The following PIMREG variants were observed in gnomAD, a reference collection of about 807,000 sequenced individuals.
PIMREG encodes protein PIMREG.
In PIMREG, 19 loss-of-function variants were observed where a neutral mutation model predicts 24.3. The ratio of observed to expected loss-of-function variants is 0.78; its 90% confidence interval spans 0.54 to 1.15. The LOEUF (loss-of-function observed/expected upper bound fraction) is 1.15. Among genes scored for constraint, PIMREG ranks in the 50% most tolerant of loss-of-function variants. The pLI is 0.00. For synonymous variants in PIMREG, 112 were observed against 124.1 expected (o/e 0.90, Z 0.65); for missense variants, 283 against 306.8 (o/e 0.92, Z 0.58).
rs181115632 is a variant in PIMREG at position 6,449,935 on chromosome 17, C to T, written c.687-93C>T. ...GTGTTGAGGGGCCATATTCCTACCA[C>T]ATTTCCGGGTCTGATCTTGTGTAGC... On this transcript the variant is annotated intron_variant, in intron 4 of 5. Transcript: ENST00000572447. The T allele has an allele frequency of 1.2e-3, 1,832 of 1,482,394 alleles. 8 individuals carry two copies. The highest frequency in any genetic ancestry group is 1.4e-3 in the South Asian group (126 of 88,174). The allele number at this position is 1,482,394 out of a possible 1,614,324, so 91.8% of individuals were successfully genotyped here.
chr17:6,450,167 C>A, intron 5 of PIMREG, 95 bp downstream of exon 5: 1 of 1,356,972 alleles, frequency 7.4e-7, no homozygotes, highest in Non-Finnish European at 1.1e-6. Flanking sequence ...CTGATGGGCA[C>A]AGCAGAGTAG....
chr17:6,449,337 G>T lies in PIMREG; in HGVS notation c.616G>T (p.Val206Leu). 1 of 1,613,076 alleles carries T rather than the reference G, an allele frequency of 6.2e-7. No individual in the cohort carries two copies. Among genetic ancestry groups the T allele is most frequent in the Middle Eastern group, 1.7e-4 (1 of 6,056 alleles). The change falls in exon 4 of 6, where the codon GTG becomes TTG. Residue 206 changes from valine (V) to leucine (L), a missense_variant. Transcript: ENST00000572447. ...PSESDSDLEPVGAGIQHLQKL... is the reference protein window; with the variant it reads ...PSESDSDLEPLGAGIQHLQKL... ...CGAGTCTGACAGTGACCTAGAGCCT[G>T]TGGGGGCGGGAATTCAGCATCTCCA...
At chr17:6,446,963 C>T (rs1597349667) in intron 2 of PIMREG, among the ~76,000 whole-genome samples, 1 of 152,190 alleles carries the variant, frequency 6.6e-6, no homozygotes, top group East Asian at 1.9e-4. Context: ...GAGCTGGGTC[C>T]CAGCCGTGGA....
Position 6,445,376 on chromosome 17 carries a change from C to T in PIMREG, c.266C>T (p.Ala89Val). ...GGCCTCCAGGCTGCAGCTCGCTCAG[C>T]TAAGAGTGCTTTGGGTGCCGTGTCC... ...QQGLQAAARS[A>V]KSALGAVSQR... Residue 89 changes from alanine to valine, a missense_variant, in exon 2 of 6, where the codon GCT (alanine) becomes GTT (valine). Physicochemically the swap from Ala to Val is moderately conservative, Grantham distance 64. Coordinates refer to ENST00000572447, the MANE Select transcript of PIMREG (RefSeq NM_019013.3). The T allele has an allele frequency of 6.2e-7, 1 of 1,613,052 alleles. No individual in the cohort carries two copies. The highest frequency in any genetic ancestry group is 2.2e-5 in the East Asian group (1 of 44,840).
chr17:6,445,441 T>TGCA lies in PIMREG; in HGVS notation c.294+38_294+39insCAG, dbSNP rs1913536623. On this transcript the variant is annotated intron_variant, in intron 2 of 5. Coordinates refer to ENST00000572447, the MANE Select transcript of PIMREG (RefSeq NM_019013.3). Reference sequence around the variant, plus strand: ...AACACTAATCATCTTTTTTATGGAGTGTTTCCTTGGTGCCAGGCAGTTCCT... The same window carrying TGCA: ...AACACTAATCATCTTTTTTATGGAGTGCAGTTTCCTTGGTGCCAGGCAGTTCCT... 5 of 1,564,240 alleles carry TGCA rather than the reference T, an allele frequency of 3.2e-6. 1 individual carries two copies. Among genetic ancestry groups the TGCA allele is most frequent in the Non-Finnish European group, 4.3e-6 (5 of 1,151,946 alleles).
rs775748346 is a variant in PIMREG at position 6,447,675 on chromosome 17, A to G, written c.507A>G (p.Ser169=). The change falls in exon 3 of 6, where the codon TCA becomes TCG. Residue 169 remains serine, a synonymous_variant. Coordinates refer to ENST00000572447, the MANE Select transcript of PIMREG (RefSeq NM_019013.3). ...ACCGCCTCTCTGTCCGGATGGGCTC[A>G]CATGCCCACCCATTACGGCGATCAA... ...EHHRLSVRMG[S]HAHPLRRSRR... is the part of the protein sequence containing the mutation. 1 of 1,614,182 alleles carries G rather than the reference A, an allele frequency of 6.2e-7. No homozygotes were observed. Among genetic ancestry groups the G allele is most frequent in the Non-Finnish European group, 8.5e-7 (1 of 1,180,014 alleles).
In PIMREG at chr17:6,449,463, T is replaced by C. The variant is rs558490394; in HGVS notation, c.686+56T>C. ...GGGGCCGGGAGGGCCCCTCCAGCCA[T>C]CTTTGTAGGCAGGCGTTGGTTCTGC... On this transcript the variant is annotated intron_variant, in intron 4 of 5. Coordinates refer to ENST00000572447, the MANE Select transcript of PIMREG (RefSeq NM_019013.3). 1.1e-3 allele frequency: 1,702 copies of C among 1,498,758 alleles called. 1 individual carries two copies. Among genetic ancestry groups the C allele is most frequent in the Admixed American group, 1.3e-3 (66 of 51,132 alleles). The allele number at this position is 1,498,758 out of a possible 1,614,324, so 92.8% of individuals were successfully genotyped here.
At chr17:6,449,215 C>A in intron 3 of PIMREG, 97 bp from the exon 4 acceptor site, 2 of 982,020 alleles carry the variant, frequency 2.0e-6, no homozygotes, top group South Asian at 1.6e-5. Flanking sequence ...CCGCCAGGGT[C>A]ATCTGGGCCC....
chr17:6,445,954 A>G (rs760499754), intron 2 of PIMREG: 9 of 397,808 alleles, frequency 2.3e-5, no homozygotes, highest in Non-Finnish European at 4.0e-5. Flanking sequence ...CTCTCCCAGG[A>G]ATGATCAGGA....
Position 6,447,558 on chromosome 17 carries a change from A to ATC in PIMREG, c.391_392dup (p.Thr133GlnfsTer5). 1 of 1,614,140 alleles carries ATC rather than the reference A, an allele frequency of 6.2e-7. No individual in the cohort carries two copies. Among genetic ancestry groups the ATC allele is most frequent in the Non-Finnish European group, 8.5e-7 (1 of 1,180,034 alleles). On this transcript the variant is annotated frameshift_variant, in exon 3 of 6. Coordinates refer to ENST00000572447, the MANE Select transcript of PIMREG (RefSeq NM_019013.3). LOFTEE classifies it high-confidence loss of function. The stretch of plus-strand genomic sequence containing the variant: ...AGAGAGGAGCACAGAAGGGCAGTGG[A>ATC]TCCCCAACTCACAGCCTGAGCCAGA...
Position 6,447,500 on chromosome 17 carries a change from T to A in PIMREG, c.332T>A (p.Leu111Gln). The change falls in exon 3 of 6, where the codon CTG becomes CAG. Residue 111 changes from leucine (L) to glutamine (Q), a missense_variant. Leu to Gln is a moderately radical substitution (Grantham distance 113). Coordinates refer to ENST00000572447, the MANE Select transcript of PIMREG (RefSeq NM_019013.3). ...TCCTGCCAAAGTGGCACCAAGTGGC[T>A]GGTGGAGACCCAGGTGAAGGCCAGG... ...QESCQSGTKW[L>Q]VETQVKARRR... 1 of 1,614,006 alleles carries A rather than the reference T, an allele frequency of 6.2e-7. No individual in the cohort carries two copies.
In PIMREG at chr17:6,445,986, G is replaced by A. The variant is rs1031367487; in HGVS notation, c.294+582G>A. ...AGGAGTCCGGAAGATTCTAAACAGT[G>A]GAAAGTCTGGTCTAATTAGCATATT... is the stretch of plus-strand genomic sequence containing the variant. On this transcript the variant is annotated intron_variant, in intron 2 of 5. Coordinates refer to ENST00000572447, the MANE Select transcript of PIMREG (RefSeq NM_019013.3). 4 of 399,708 alleles carry A rather than the reference G, an allele frequency of 1.0e-5. No individual in the cohort carries two copies. In the Admixed American group the frequency reaches 1.3e-4, roughly 13 times the overall value. The allele number at this position is 399,708 out of a possible 1,614,324, so 24.8% of individuals were successfully genotyped here.
chr17:6,447,100 T>G (rs1913602160), intron 2 of PIMREG, among the ~76,000 whole-genome samples: 1 of 89,664 alleles, frequency 1.1e-5, no homozygotes, highest in Non-Finnish European at 2.8e-5. Context: ...CACCCTTGGT[T>G]TTTTTTTTTG....
At chr17:6,446,472 C>T (rs1286989733) in intron 2 of PIMREG, among the ~76,000 whole-genome samples, 1 of 152,130 alleles carries the variant, frequency 6.6e-6, no homozygotes, top group African/African-American at 2.4e-5. Flanking sequence ...CCTCAGGGAT[C>T]AGAGAAATGA....
chr17:6,446,724 T>A (rs923906082), intron 2 of PIMREG, among the ~76,000 whole-genome samples: 5 of 152,200 alleles, frequency 3.3e-5, no homozygotes, highest in Non-Finnish European at 7.3e-5. Context: ...AGGATCACTA[T>A]GGACCACTGT....
Position 6,450,383 on chromosome 17 carries a change from C to A in PIMREG, c.*36C>A. 1 of 1,567,628 alleles carries A rather than the reference C, an allele frequency of 6.4e-7. No individual in the cohort carries two copies. Among genetic ancestry groups the A allele is most frequent in the African/African-American group, 1.3e-5 (1 of 74,384 alleles). ...GAAGGAAACAAGCCCTGTCTGACCGCCAAGGCTTCATACTCAAGGATGTCT... is the reference window on the plus strand; with the variant it reads ...GAAGGAAACAAGCCCTGTCTGACCGACAAGGCTTCATACTCAAGGATGTCT... On this transcript the variant is annotated 3_prime_UTR_variant, in exon 6 of 6. Transcript: ENST00000572447.
At chr17:6,448,649 C>A (rs536611056) in intron 3 of PIMREG, among the ~76,000 whole-genome samples, 12 of 152,318 alleles carry the variant, frequency 7.9e-5, no homozygotes, top group Admixed American at 7.2e-4. Context: ...AGCTGGCCTG[C>A]CTTGCAGAAT....
intron 4 of PIMREG, chr17:6,449,687 AC>A (rs925147508): frequency 9.4e-5 from 130 of 1,377,740 alleles, no homozygotes; most frequent in Non-Finnish European, 1.2e-4. Context: ...TTCCTGAAAA[AC>A]CTGCCCTTCC....
At chr17:6,446,903 C>G (rs1913592672) in intron 2 of PIMREG, among the ~76,000 whole-genome samples, 1 of 152,178 alleles carries the variant, frequency 6.6e-6, no homozygotes, top group African/African-American at 2.4e-5. Context: ...GCTCCAGGCA[C>G]CAGGGGGGTC....
Sources: allele counts gnomAD v4.1 joint callset (sites outside exome capture counted in the v4.1 genomes callset), GRCh38; gene constraint gnomAD v4.1.1; transcripts MANE v1.5; gene names NCBI Gene and HGNC (gene_info 2026-07-23, HGNC 2026-07-21).